Variants in OSBPL3 observed in about 807,000 individuals in gnomAD.
OSBPL3 encodes the protein oxysterol-binding protein-related protein 3.
OSBPL3 carries 65 observed loss-of-function variants against 120.1 expected under a neutral mutation model. That is an observed-to-expected ratio of 0.54 (90% CI 0.44 to 0.67). The LOEUF is 0.67. Ranked by LOEUF, OSBPL3 falls within the 30% of genes least tolerant of loss-of-function variation. The pLI, the probability that OSBPL3 is intolerant of heterozygous loss-of-function variation, is 0.00. For missense variants in OSBPL3, 1,004 were observed against 1,082.1 expected, an observed-to-expected ratio of 0.93 and a Z score of 1.01; for synonymous variants, 416 against 402.6, an observed-to-expected ratio of 1.03 and a Z score of -0.40.
At position 24,820,346 on chromosome 7, in the gene OSBPL3, T is replaced by A; in HGVS notation, c.1885-108A>T. On this transcript the variant is annotated intron_variant, in intron 16 of 22. Coordinates refer to ENST00000313367, the MANE Select transcript of OSBPL3 (RefSeq NM_015550.4). The surrounding 1 kb of genome is among the most constrained non-coding windows in gnomAD (Gnocchi z 4.6). ...GATGTAACAGCGTGCAATGCTGAAC[T>A]GAAGGAAAAACTTCTTTAGTTTCCC... 1.3e-6 allele frequency: 1 copy of A among 775,232 alleles called. No individual in the cohort carries two copies. The highest frequency in any genetic ancestry group is 2.3e-5 in the Admixed American group (1 of 42,558). 48.0% of individuals were successfully genotyped at this position (775,232 alleles called of 1,614,324 possible). A position where few individuals can be genotyped will look rare whatever the true frequency, so the allele number is the denominator to read the frequency against.
At position 24,824,540 on chromosome 7, in the gene OSBPL3, G is replaced by A. The variant is rs971744808; in HGVS notation, c.1885-4302C>T. On this transcript the variant is annotated intron_variant, in intron 16 of 22. Transcript: ENST00000313367. This position sits in a 1 kb window ranked among gnomAD's most constrained non-coding sequence, Gnocchi z 4.9. ...ATACAGGGCAATAACGAAAAAGAGG[G>A]CAAGTGCCAGGTGAAGAAGTCATCC... is the stretch of plus-strand genomic sequence containing the variant. 6.6e-6 allele frequency among the ~76,000 whole-genome samples: 1 copy of A among 152,146 alleles called. No homozygotes were observed. The highest frequency in any genetic ancestry group is 2.4e-5 in the African/African-American group (1 of 41,434).
intron 1 of OSBPL3, among the ~76,000 whole-genome samples, chr7:24,925,173 AT>A (rs1810891454): frequency 6.6e-6 from 1 of 152,200 alleles, no homozygotes; most frequent in Non-Finnish European, 1.5e-5. Flanking sequence ...TGAAACAGAA[AT>A]TATCCTGGTA....
intron 22 of OSBPL3, among the ~76,000 whole-genome samples, chr7:24,800,738 T>C (rs1044241355): frequency 1.3e-5 from 2 of 152,184 alleles, no homozygotes; most frequent in Middle Eastern, 3.4e-3. Flanking sequence ...ATTACAGGCA[T>C]GAGCCACCAC....
At position 24,813,961 on chromosome 7, in the gene OSBPL3, C is replaced by A. The variant is rs1432354531; in HGVS notation, c.2172+1098G>T. The stretch of plus-strand genomic sequence containing the variant: ...CTCTCATGTGTGCCAGACACCATTG[C>A]AGGAATCAGGGCTACAGAAGTGAGC... On this transcript the variant is annotated intron_variant, in intron 19 of 22. Coordinates refer to ENST00000313367, the MANE Select transcript of OSBPL3 (RefSeq NM_015550.4). The surrounding 1 kb of genome is among the most constrained non-coding windows in gnomAD (Gnocchi z 4.5). 1.3e-5 allele frequency among the ~76,000 whole-genome samples: 2 copies of A among 152,132 alleles called. No homozygotes were observed. The highest frequency in any genetic ancestry group is 4.8e-5 in the African/African-American group (2 of 41,414).
rs144712143 is a variant in OSBPL3, at chr7:24,875,728, A to T, written c.97-3659T>A. Among the ~76,000 whole-genome samples, 5 of 151,150 alleles carry T rather than the reference A, an allele frequency of 3.3e-5. No individual in the cohort carries two copies. In the East Asian group the frequency reaches 9.7e-4, roughly 29 times the overall value. The stretch of plus-strand genomic sequence containing the variant: ...ACCCAGTCTCTTAAAAAAATTATAT[A>T]TGTAATTTTTAATATATAATCATAT... On this transcript the variant is annotated intron_variant, in intron 2 of 22. Coordinates refer to ENST00000313367, the MANE Select transcript of OSBPL3 (RefSeq NM_015550.4).
At chr7:24,919,649 A>G (rs1439334264) in intron 1 of OSBPL3, among the ~76,000 whole-genome samples, 2 of 152,014 alleles carry the variant, frequency 1.3e-5, no homozygotes, top group South Asian at 2.1e-4. Flanking sequence ...CTAAGGGGGA[A>G]AAAAGTGATA....
At chr7:24,856,267 G>A (rs1276241624) in intron 10 of OSBPL3, among the ~76,000 whole-genome samples, 1 of 151,918 alleles carries the variant, frequency 6.6e-6, no homozygotes, top group Non-Finnish European at 1.5e-5. Flanking sequence ...CATCATAAGC[G>A]TCGTACAAGT....
chr7:24,889,993 G>A (rs567459105), intron 2 of OSBPL3, among the ~76,000 whole-genome samples: 1 of 152,292 alleles, frequency 6.6e-6, no homozygotes, highest in South Asian at 2.1e-4. Flanking sequence ...TGGGAGGTAG[G>A]AAGTTGGCAA....
rs540351869 is a variant in OSBPL3 at position 24,821,172 on chromosome 7, G to GT, written c.1885-935dup. 9.5e-4 allele frequency among the ~76,000 whole-genome samples: 144 copies of GT among 152,338 alleles called. No individual in the cohort carries two copies. The highest frequency in any genetic ancestry group is 3.2e-3 in the African/African-American group (134 of 41,582). ...GATGTAGCTGATTCTTAACAGAGGT[G>GT]TCTTACATTGAGAGTATCTAGCTCA... On this transcript the variant is annotated intron_variant, in intron 16 of 22. Coordinates refer to ENST00000313367, the MANE Select transcript of OSBPL3 (RefSeq NM_015550.4). This position sits in a 1 kb window ranked among gnomAD's most constrained non-coding sequence, Gnocchi z 5.5.
chr7:24,969,602 T>C (rs1405717806), intron 1 of OSBPL3, among the ~76,000 whole-genome samples: 1 of 152,214 alleles, frequency 6.6e-6, no homozygotes, highest in Non-Finnish European at 1.5e-5. Flanking sequence ...TTTTGATCCA[T>C]GTGGAATTTA....
chr7:24,976,969 A>G (rs1817654541), intron 1 of OSBPL3, among the ~76,000 whole-genome samples: 1 of 152,076 alleles, frequency 6.6e-6, no homozygotes, highest in Non-Finnish European at 1.5e-5. Context: ...CCAACTTCTC[A>G]CCCTCAGTGT....
At chr7:24,826,974 A>C (rs1160883690) in intron 16 of OSBPL3, among the ~76,000 whole-genome samples, 1 of 152,220 alleles carries the variant, frequency 6.6e-6, no homozygotes, top group African/African-American at 2.4e-5. Flanking sequence ...AGAGGCAGCC[A>C]TCACTTTCCA....
At position 24,980,124 on chromosome 7, in the gene OSBPL3, C is replaced by A. The variant is rs1228638084; in HGVS notation, c.-388G>T. On this transcript the variant is annotated 5_prime_UTR_variant, in exon 1 of 23. Transcript: ENST00000313367. ...GCTCAAGTCCCCTCTCCCGGGCCGG[C>A]TGGCGGGCGCCACCAGCACGCGGCC... is the stretch of plus-strand genomic sequence containing the variant. The A allele has an allele frequency of 2.3e-6, 2 of 860,948 alleles. No individual in the cohort carries two copies. Among genetic ancestry groups the A allele is most frequent in the Non-Finnish European group, 1.4e-6 (1 of 716,418 alleles). The allele number at this position is 860,948 out of a possible 1,614,324, so 53.3% of individuals were successfully genotyped here. A position where few individuals can be genotyped will look rare whatever the true frequency, so the allele number is the denominator to read the frequency against.
rs778451220 is a variant in OSBPL3 at position 24,816,695 on chromosome 7, T to C, written c.1949-7A>G. The stretch of plus-strand genomic sequence containing the variant: ...TTGTTTTTCCATCTCACATCTGAAA[T>C]GAAATACCAAATATTACATTTTTAG... On this transcript the variant is annotated splice_polypyrimidine_tract_variant and splice_region_variant and intron_variant, in intron 17 of 22. Transcript: ENST00000313367. 6.3e-7 allele frequency: 1 copy of C among 1,576,410 alleles called. No homozygotes were observed. The highest frequency in any genetic ancestry group is 8.7e-7 in the Non-Finnish European group (1 of 1,145,584).
chr7:24,903,827 A>C (rs981441528), intron 1 of OSBPL3, among the ~76,000 whole-genome samples: 1 of 151,446 alleles, frequency 6.6e-6, no homozygotes, highest in Non-Finnish European at 1.5e-5. Flanking sequence ...GTTTTGCTGT[A>C]GGGTTGACTT....
At chr7:24,889,172 A>G (rs983283064) in intron 2 of OSBPL3, among the ~76,000 whole-genome samples, 1 of 152,224 alleles carries the variant, frequency 6.6e-6, no homozygotes, top group Non-Finnish European at 1.5e-5. Context: ...ATTCAGCCTT[A>G]AAAAAGAAAG....
rs1392703058 is a variant in OSBPL3, at chr7:24,900,961, C to T, written c.-149-8340G>A. Among the ~76,000 whole-genome samples the T allele has an allele frequency of 1.3e-5, 2 of 148,962 alleles. No homozygotes were observed. The highest frequency in any genetic ancestry group is 4.0e-4 in the East Asian group (2 of 5,060). On this transcript the variant is annotated intron_variant, in intron 1 of 22. Coordinates refer to ENST00000313367, the MANE Select transcript of OSBPL3 (RefSeq NM_015550.4). This position sits in a 1 kb window ranked among gnomAD's most constrained non-coding sequence, Gnocchi z 4.5. ...ACTTGAGTCTGGGAGGCGGAGGTTG[C>T]AGTGAGCTGAGGTTTTGCCACTGCA...
chr7:24,848,683 G>C (rs1408550486), intron 12 of OSBPL3, among the ~76,000 whole-genome samples: 1 of 152,164 alleles, frequency 6.6e-6, no homozygotes, highest in African/African-American at 2.4e-5. Flanking sequence ...AGGGGAAGGA[G>C]GCTGGCAGGG....
In OSBPL3 at chr7:24,859,769, C is replaced by G. The variant is rs6961203; in HGVS notation, c.1027+1844G>C. Among the ~76,000 whole-genome samples, 7 of 152,190 alleles carry G rather than the reference C, an allele frequency of 4.6e-5. No homozygotes were observed. In the South Asian group the frequency reaches 1.5e-3, roughly 32 times the overall value. On this transcript the variant is annotated intron_variant, in intron 10 of 22. Transcript: ENST00000313367. ...CTGCAGCTAGAATTAAAATAATGCA[C>G]GTAAAGTAATTAGCAAATACCTGAC...
Sources: gnomAD v4.1 joint callset for allele counts (sites outside exome capture counted in the v4.1 genomes callset) on GRCh38, gnomAD v4.1.1 for gene constraint, Gnocchi (gnomAD v3.1) non-coding constraint, MANE v1.5 for transcripts, NCBI Gene and HGNC (gene_info 2026-07-23, HGNC 2026-07-21) for gene names.